The following TBL1XR1 variants were observed in gnomAD, a reference collection of about 807,000 sequenced individuals.
TBL1XR1 encodes the protein TBL1X/Y related 1.
In TBL1XR1, 5 loss-of-function variants were observed where a neutral mutation model predicts 66.9. That is an observed-to-expected ratio of 0.07 (90% CI 0.04 to 0.16). The LOEUF is 0.16. Among genes scored for constraint, TBL1XR1 ranks in the 10% least tolerant of loss-of-function variants. The pLI is 1.00. For synonymous variants in TBL1XR1, 210 were observed against 206.0 expected, an observed-to-expected ratio of 1.02 and a Z score of -0.17; for missense variants, 238 against 623.2, an observed-to-expected ratio of 0.38 and a Z score of 6.58.
chr3:177,135,829 G>A (rs1728927980), intron 1 of TBL1XR1, among the ~76,000 whole-genome samples: 1 of 151,504 alleles, frequency 6.6e-6, no homozygotes, highest in Non-Finnish European at 1.5e-5. Flanking sequence ...ACATTCTGGT[G>A]GAAGGCTGTT....
chr3:177,119,778 G>T lies in TBL1XR1; in HGVS notation c.-121-21237C>A, dbSNP rs558999468. Among the ~76,000 whole-genome samples, 26 of 152,316 alleles carry T rather than the reference G, an allele frequency of 1.7e-4. No individual in the cohort carries two copies. In the South Asian group the frequency reaches 5.4e-3, roughly 32 times the overall value. On this transcript the variant is annotated intron_variant, in intron 1 of 15. Coordinates refer to ENST00000457928, the MANE Select transcript of TBL1XR1 (RefSeq NM_024665.7). ...TCCAGAATCAACCACACGACACGAAGAAACATTCCAAAGAATCCTTGGTCC... is the reference window on the plus strand; with the variant it reads ...TCCAGAATCAACCACACGACACGAATAAACATTCCAAAGAATCCTTGGTCC...
intron 12 of TBL1XR1, chr3:177,037,836 G>GATA (rs1715031640): frequency 3.0e-6 from 1 of 330,400 alleles, no homozygotes; most frequent in Non-Finnish European, 5.6e-6. Flanking sequence ...TCTCTGGAGA[G>GATA]CCCTAACTAA....
At chr3:177,114,705 G>A (rs571026859) in intron 1 of TBL1XR1, among the ~76,000 whole-genome samples, 1 of 152,090 alleles carries the variant, frequency 6.6e-6, no homozygotes, top group South Asian at 2.1e-4. Flanking sequence ...GCCAGATACG[G>A]TAGCTCACAC....
chr3:177,135,345 A>G (rs372119279), intron 1 of TBL1XR1, among the ~76,000 whole-genome samples: 2,474 of 19,772 alleles, frequency 0.13, 83 homozygotes, highest in Admixed American at 0.15. Flanking sequence ...ATACATATAT[A>G]TATATATATA....
At chr3:177,133,934 T>G (rs989439856) in intron 1 of TBL1XR1, among the ~76,000 whole-genome samples, 1 of 151,290 alleles carries the variant, frequency 6.6e-6, no homozygotes, top group African/African-American at 2.4e-5. Context: ...GGACGTCTGT[T>G]GTTTTTAGTC....
chr3:177,067,422 A>G (rs1484745772), intron 2 of TBL1XR1, among the ~76,000 whole-genome samples: 3 of 152,202 alleles, frequency 2.0e-5, no homozygotes, highest in Non-Finnish European at 4.4e-5. Context: ...GGTTTTTCAC[A>G]ATGCTCATTC....
In TBL1XR1 at chr3:177,154,687, G is replaced by A. The variant is rs1451256836; in HGVS notation, c.-122+42434C>T. On this transcript the variant is annotated intron_variant, in intron 1 of 15. Coordinates refer to ENST00000457928, the MANE Select transcript of TBL1XR1 (RefSeq NM_024665.7). ...TAAGATTACAGGCATGAGCCACCGC[G>A]CCCGGCCGACAGAACTTTTTAAAAA... 3.9e-5 allele frequency among the ~76,000 whole-genome samples: 6 copies of A among 152,036 alleles called. 1 individual carries two copies. Among genetic ancestry groups the A allele is most frequent in the Admixed American group, 2.0e-4 (3 of 15,260 alleles).
intron 1 of TBL1XR1, among the ~76,000 whole-genome samples, chr3:177,141,934 T>G (rs1245487186): frequency 6.6e-6 from 1 of 152,176 alleles, no homozygotes; most frequent in Non-Finnish European, 1.5e-5. Context: ...GCTAAGTATA[T>G]TAAGGTAGTT....
At chr3:177,142,898 C>T (rs953629850) in intron 1 of TBL1XR1, among the ~76,000 whole-genome samples, 2 of 152,016 alleles carry the variant, frequency 1.3e-5, no homozygotes, top group Non-Finnish European at 2.9e-5. Flanking sequence ...CCATTGTACA[C>T]TTACCCACCT....
intron 1 of TBL1XR1, among the ~76,000 whole-genome samples, chr3:177,136,451 T>A (rs1479100493): frequency 6.6e-6 from 1 of 152,168 alleles, no homozygotes; most frequent in Non-Finnish European, 1.5e-5. Context: ...AGCTAATTTC[T>A]GTACTTTTAG....
At chr3:177,056,906 C>CGA (rs1717871502) in intron 3 of TBL1XR1, among the ~76,000 whole-genome samples, 1 of 151,936 alleles carries the variant, frequency 6.6e-6, no homozygotes, top group African/African-American at 2.4e-5. Flanking sequence ...ACATTTCTTT[C>CGA]CCCTCCTCCT....
chr3:177,059,327 C>G (rs1396162598), intron 3 of TBL1XR1, among the ~76,000 whole-genome samples: 1 of 152,120 alleles, frequency 6.6e-6, no homozygotes, highest in African/African-American at 2.4e-5. Context: ...TTAGCCATTA[C>G]AGACCTAATG....
At chr3:177,030,285 TATGAATATATTATTA>T (rs1301486217) in intron 14 of TBL1XR1, among the ~76,000 whole-genome samples, 2 of 151,626 alleles carry the variant, frequency 1.3e-5, no homozygotes, top group Non-Finnish European at 2.9e-5. Flanking sequence ...ATATTCATAT[TATGAATATATTATTA>T]ATGAATATAT....
intron 1 of TBL1XR1, among the ~76,000 whole-genome samples, chr3:177,176,098 A>T (rs890037523): frequency 6.6e-6 from 1 of 151,470 alleles, no homozygotes; most frequent in Admixed American, 6.6e-5. Flanking sequence ...ACAAATAAAT[A>T]AATTTGCAGC....
rs536024703 is a variant in TBL1XR1 at position 177,042,771 on chromosome 3, T to C, written c.925+3358A>G. On this transcript the variant is annotated intron_variant, in intron 10 of 15. Coordinates refer to ENST00000457928, the MANE Select transcript of TBL1XR1 (RefSeq NM_024665.7). ...TTCCCAGTTAAATAATTTCTTAAAA[T>C]CTTGGAGCTAAAGTTAACATTTTTG... Among the ~76,000 whole-genome samples the C allele has an allele frequency of 1.3e-3, 197 of 152,262 alleles. 3 individuals are homozygous for C. In the South Asian group the frequency reaches 0.018, roughly 14 times the overall value.
rs1716868751 is a variant in TBL1XR1 at position 177,050,216 on chromosome 3, A to G, written c.561-78T>C. ...AACAAGGCAACATATTTACATCTGA[A>G]TATTAATAAGGCAAATAAAAACGAC... On this transcript the variant is annotated intron_variant, in intron 6 of 15. Coordinates refer to ENST00000457928, the MANE Select transcript of TBL1XR1 (RefSeq NM_024665.7). The G allele has an allele frequency of 2.7e-6, 4 of 1,499,764 alleles. No homozygotes were observed. In the Admixed American group the frequency reaches 8.0e-5, roughly 30 times the overall value. 92.9% of individuals were successfully genotyped at this position (1,499,764 alleles called of 1,614,324 possible).
intron 2 of TBL1XR1, chr3:177,079,876 G>A (rs1721186604): frequency 6.6e-6 from 1 of 151,858 alleles, no homozygotes. Context: ...CAGGCCGCAT[G>A]ATGTAATAGA....
intron 1 of TBL1XR1, among the ~76,000 whole-genome samples, chr3:177,158,770 A>C (rs1731822517): frequency 6.6e-6 from 1 of 152,148 alleles, no homozygotes; most frequent in Non-Finnish European, 1.5e-5. Context: ...AGATTAAAGA[A>C]AATTGGACAC....
In TBL1XR1 at chr3:177,022,150, G is replaced by A. The variant is rs1445862993; in HGVS notation, c.*3348C>T. On this transcript the variant is annotated 3_prime_UTR_variant, in exon 16 of 16. Transcript: ENST00000457928. ...AGGGAAAAAGGAGTGCTTTGTAAGT[G>A]AAAAAGTACAAATCTTTGGCCTTTC... 2 of 152,534 alleles carry A rather than the reference G, an allele frequency of 1.3e-5. No homozygotes were observed. Among genetic ancestry groups the A allele is most frequent in the Admixed American group, 6.6e-5 (1 of 15,260 alleles). The allele number at this position is 152,534 out of a possible 1,614,324, so 9.4% of individuals were successfully genotyped here. A position where few individuals can be genotyped will look rare whatever the true frequency, so the allele number is the denominator to read the frequency against.
Sources: gnomAD v4.1 joint callset for allele counts (sites outside exome capture counted in the v4.1 genomes callset) on GRCh38, gnomAD v4.1.1 for gene constraint, MANE v1.5 for transcripts, NCBI Gene and HGNC (gene_info 2026-07-23, HGNC 2026-07-21) for gene names.